The following CLSTN2 variants were observed in gnomAD, a reference collection of about 807,000 sequenced individuals.
CLSTN2 encodes the protein calsyntenin-2.
CLSTN2 carries 48 observed loss-of-function variants against 101.2 expected under a neutral mutation model. That is an observed-to-expected ratio of 0.47 (90% CI 0.38 to 0.60). The LOEUF is 0.60. Ranked by LOEUF, CLSTN2 falls within the 20% of genes least tolerant of loss-of-function variation. CLSTN2 has a pLI of 0.00. For missense variants in CLSTN2, 1,160 were observed against 1,238.2 expected (o/e 0.94, Z 0.95); for synonymous variants, 481 against 463.6 (o/e 1.04, Z -0.48).
chr3:140,345,833 G>A (rs1395447381), intron 2 of CLSTN2, among the ~76,000 whole-genome samples: 4 of 152,076 alleles, frequency 2.6e-5, no homozygotes, highest in South Asian at 2.1e-4. Context: ...TATGTTTGCC[G>A]GATGGTACTT....
chr3:140,107,600 C>T (rs2009080975), intron 1 of CLSTN2, among the ~76,000 whole-genome samples: 1 of 152,172 alleles, frequency 6.6e-6, no homozygotes, highest in East Asian at 1.9e-4. Context: ...ACAACTGTAT[C>T]TAAACCCTGC....
intron 1 of CLSTN2, among the ~76,000 whole-genome samples, chr3:139,960,546 C>T (rs1935490870): frequency 6.6e-6 from 1 of 152,248 alleles, no homozygotes; most frequent in African/African-American, 2.4e-5. Context: ...CAAGGCCTAG[C>T]ACTGGGTTTG....
chr3:140,181,047 T>A (rs1353075123), intron 2 of CLSTN2, among the ~76,000 whole-genome samples: 1 of 152,222 alleles, frequency 6.6e-6, no homozygotes, highest in Non-Finnish European at 1.5e-5. Flanking sequence ...GATAGCCATG[T>A]GTCTTATAGT....
At chr3:140,436,059 A>G (rs2108000810) in intron 5 of CLSTN2, among the ~76,000 whole-genome samples, 1 of 152,282 alleles carries the variant, frequency 6.6e-6, no homozygotes, top group African/African-American at 2.4e-5. Flanking sequence ...TTTGCTGTGC[A>G]GAAGCTTTTT....
At chr3:140,509,901 C>G (rs565270137) in intron 8 of CLSTN2, among the ~76,000 whole-genome samples, 1 of 152,280 alleles carries the variant, frequency 6.6e-6, no homozygotes, top group East Asian at 1.9e-4. Context: ...TATAGATGCT[C>G]CTCAACTTAT....
chr3:140,276,589 A>G (rs1295854521), intron 2 of CLSTN2, among the ~76,000 whole-genome samples: 1 of 152,172 alleles, frequency 6.6e-6, no homozygotes, highest in Non-Finnish European at 1.5e-5. Flanking sequence ...AAGCCAACCA[A>G]TGGTACAGTC....
chr3:140,398,268 A>C (rs1442477208), intron 2 of CLSTN2, among the ~76,000 whole-genome samples: 3 of 152,156 alleles, frequency 2.0e-5, no homozygotes, highest in Non-Finnish European at 4.4e-5. Flanking sequence ...ATTTCATCCC[A>C]CAGAATATTA....
chr3:140,124,237 G>A (rs2009393545), intron 1 of CLSTN2, among the ~76,000 whole-genome samples: 1 of 152,122 alleles, frequency 6.6e-6, no homozygotes, highest in Admixed American at 6.5e-5. Flanking sequence ...TTCAGTGACT[G>A]GGGATGGATA....
At chr3:140,046,722 C>T (rs2007889053) in intron 1 of CLSTN2, among the ~76,000 whole-genome samples, 2 of 152,166 alleles carry the variant, frequency 1.3e-5, no homozygotes, top group South Asian at 4.1e-4. Context: ...GTGACAAAAT[C>T]TCTCAGCATT....
chr3:140,549,484 C>T (rs1333769153), intron 10 of CLSTN2, among the ~76,000 whole-genome samples: 4 of 150,862 alleles, frequency 2.7e-5, no homozygotes, highest in Non-Finnish European at 3.0e-5. Context: ...ACTAGAGCAC[C>T]GTGTGAGAAG....
chr3:140,436,520 G>T (rs546459694), intron 5 of CLSTN2, among the ~76,000 whole-genome samples: 23 of 152,366 alleles, frequency 1.5e-4, no homozygotes, highest in African/African-American at 5.3e-4. Context: ...AGTTCACCTG[G>T]CAAAGGCACA....
chr3:140,443,110 AT>A (rs1203674739), intron 5 of CLSTN2, among the ~76,000 whole-genome samples: 2 of 152,238 alleles, frequency 1.3e-5, no homozygotes, highest in Non-Finnish European at 2.9e-5. Flanking sequence ...ACTCCCCGGT[AT>A]CCCAATATCC....
At chr3:140,028,898 C>T (rs892919279) in intron 1 of CLSTN2, among the ~76,000 whole-genome samples, 33 of 152,238 alleles carry the variant, frequency 2.2e-4, no homozygotes, top group African/African-American at 7.7e-4. Flanking sequence ...GGTCCCACAC[C>T]TCCACTGCTG....
intron 8 of CLSTN2, among the ~76,000 whole-genome samples, chr3:140,523,830 CT>C (rs1466629825): frequency 5.9e-5 from 9 of 152,312 alleles, no homozygotes; most frequent in Admixed American, 3.9e-4. Flanking sequence ...CAGCTGGTCA[CT>C]TAGCAGACTG....
intron 1 of CLSTN2, among the ~76,000 whole-genome samples, chr3:139,959,269 G>T (rs921552325): frequency 7.9e-5 from 12 of 152,126 alleles, no homozygotes; most frequent in Non-Finnish European, 1.2e-4. Context: ...CTGTGGGGTG[G>T]TAGTGGCCTC....
At chr3:140,235,157 A>G (rs1460116826) in intron 2 of CLSTN2, among the ~76,000 whole-genome samples, 1 of 152,174 alleles carries the variant, frequency 6.6e-6, no homozygotes, top group Non-Finnish European at 1.5e-5. Flanking sequence ...AGCACATCGA[A>G]GTTTCAAAAT....
intron 2 of CLSTN2, among the ~76,000 whole-genome samples, chr3:140,321,822 T>A (rs138788646): frequency 6.6e-6 from 1 of 152,250 alleles, no homozygotes; most frequent in Non-Finnish European, 1.5e-5. Context: ...GCTATTTTAA[T>A]GTCTAGTACA....
chr3:140,183,870 T>C (rs1228540803), intron 2 of CLSTN2, among the ~76,000 whole-genome samples: 2 of 152,256 alleles, frequency 1.3e-5, no homozygotes, highest in African/African-American at 4.8e-5. Flanking sequence ...TCAGATTATA[T>C]AATTTGCCAA....
intron 2 of CLSTN2, among the ~76,000 whole-genome samples, chr3:140,204,621 GA>G (rs1338465456): frequency 6.6e-6 from 1 of 152,190 alleles, no homozygotes; most frequent in Non-Finnish European, 1.5e-5. Context: ...CAAAACTTGG[GA>G]GTGGCGGTAA....
Sources: allele counts gnomAD v4.1 joint callset (sites outside exome capture counted in the v4.1 genomes callset), GRCh38; gene constraint gnomAD v4.1.1; transcripts MANE v1.5; gene names NCBI Gene and HGNC (gene_info 2026-07-23, HGNC 2026-07-21).